CASS4: variants seen among roughly 807,000 people sequenced by gnomAD.
CASS4 encodes Cas scaffold protein family member 4.
In CASS4, 22 loss-of-function variants were observed where a neutral mutation model predicts 54.2. That is an observed-to-expected ratio of 0.41 (90% confidence interval 0.29 to 0.58). The LOEUF (loss-of-function observed/expected upper bound fraction) is 0.58, where lower values mean the gene tolerates loss of function less well. CASS4 is among the 20% of genes least tolerant of loss of function. CASS4 has a pLI of 0.36. For missense variants in CASS4, 854 were observed against 986.7 expected, an observed-to-expected ratio of 0.87 and a Z score of 1.80; for synonymous variants, 409 against 391.5, an observed-to-expected ratio of 1.04 and a Z score of -0.53.
intron 1 of CASS4, among the ~76,000 whole-genome samples, chr20:56,418,527 A>C (rs192411797): frequency 7.0e-4 from 106 of 152,320 alleles, no homozygotes; most frequent in Non-Finnish European, 1.3e-3. Flanking sequence ...TGTGCAACAG[A>C]TGGGCTGTAA....
In CASS4 at chr20:56,437,045, G is replaced by T; in HGVS notation, c.37-119G>T. 4.4e-6 allele frequency: 4 copies of T among 915,908 alleles called. No homozygotes were observed. Among genetic ancestry groups the T allele is most frequent in the Non-Finnish European group, 6.6e-6 (4 of 606,952 alleles). 56.7% of individuals were successfully genotyped at this position (915,908 alleles called of 1,614,324 possible). Reference sequence around the variant, plus strand: ...AGGGACAAGAGCCTCTGGGGTGGAAGAAATGAAATGAAAGGGCATGATGAA... The same window carrying T: ...AGGGACAAGAGCCTCTGGGGTGGAATAAATGAAATGAAAGGGCATGATGAA... On this transcript the variant is annotated intron_variant, in intron 1 of 5. Coordinates refer to ENST00000679887, the MANE Select transcript of CASS4 (RefSeq NM_020356.4). This position sits in a 1 kb window ranked among gnomAD's most constrained non-coding sequence, Gnocchi z 4.7.
chr20:56,427,541 T>A (rs1241433762), intron 1 of CASS4, among the ~76,000 whole-genome samples: 1 of 152,206 alleles, frequency 6.6e-6, no homozygotes, highest in East Asian at 1.9e-4. Context: ...ACTATTTACT[T>A]GAAAGATGAT....
chr20:56,435,102 G>A (rs759688449), intron 1 of CASS4, among the ~76,000 whole-genome samples: 13 of 152,148 alleles, frequency 8.5e-5, no homozygotes, highest in African/African-American at 2.7e-4. Flanking sequence ...TTCTGGGTGC[G>A]TGAAGGATCT....
At chr20:56,434,248 G>T (rs930244185) in intron 1 of CASS4, among the ~76,000 whole-genome samples, 1 of 152,050 alleles carries the variant, frequency 6.6e-6, no homozygotes, top group Admixed American at 6.6e-5. Context: ...ATAAATAAGG[G>T]GAGTTGCAAA....
rs770991801 is a variant in CASS4, at chr20:56,450,667, C to T, written c.630C>T (p.Asp210=). The part of the protein sequence containing the change: ...SPKKAGLHPP[D]SQASGQGVPL... ...AGAAGGCAGGACTCCATCCCCCAGA[C>T]AGCCAAGCAAGTGTAAGTATGAAGA... The change falls in exon 4 of 6, where the codon GAC becomes GAT. Residue 210 remains aspartate, a synonymous_variant. Transcript: ENST00000679887. 6.2e-7 allele frequency: 1 copy of T among 1,614,076 alleles called. No individual in the cohort carries two copies. Among genetic ancestry groups the T allele is most frequent in the East Asian group, 2.2e-5 (1 of 44,870 alleles).
At chr20:56,444,650 G>C (rs1410624443) in intron 2 of CASS4, among the ~76,000 whole-genome samples, 1 of 152,182 alleles carries the variant, frequency 6.6e-6, no homozygotes, top group African/African-American at 2.4e-5. Context: ...GCTGGGTTTG[G>C]AAGCTGCTCT....
chr20:56,412,292 TG>T lies in CASS4; in HGVS notation c.-166del, dbSNP rs1978911857. ...CTCTTATCGTGCTTTCCAGAAAGTTTGCCTGCTGGGAGAGTCTTTTTGATCG... is the reference window on the plus strand; with the variant it reads ...CTCTTATCGTGCTTTCCAGAAAGTTTCCTGCTGGGAGAGTCTTTTTGATCG... On this transcript the variant is annotated 5_prime_UTR_variant, in exon 1 of 6. Coordinates refer to ENST00000679887, the MANE Select transcript of CASS4 (RefSeq NM_020356.4). The surrounding 1 kb of genome is among the most constrained non-coding windows in gnomAD (Gnocchi z 4.2). 1.4e-6 allele frequency: 1 copy of T among 719,710 alleles called. No homozygotes were observed. Among genetic ancestry groups the T allele is most frequent in the Non-Finnish European group, 2.4e-6 (1 of 423,994 alleles). 44.6% of individuals were successfully genotyped at this position (719,710 alleles called of 1,614,324 possible).
rs371161350 is a variant in CASS4, at chr20:56,434,585, C to T, written c.37-2579C>T. 2.9e-3 allele frequency among the ~76,000 whole-genome samples: 446 copies of T among 151,602 alleles called. 3 individuals carry two copies. The highest frequency in any genetic ancestry group is 4.1e-3 in the Non-Finnish European group (278 of 67,972). ...CCAAGTAGCTGGGTCTACAGGTGCA[C>T]GCCACCACTCCCAGCTAATTTTTTT... On this transcript the variant is annotated intron_variant, in intron 1 of 5. Transcript: ENST00000679887.
chr20:56,442,129 C>T (rs147940511), intron 2 of CASS4, among the ~76,000 whole-genome samples: 1 of 151,758 alleles, frequency 6.6e-6, no homozygotes, highest in East Asian at 1.9e-4. Flanking sequence ...AGGCACTTCA[C>T]GGACTCCTTT....
chr20:56,453,472 A>G (rs1981140584), intron 5 of CASS4: 1 of 190,008 alleles, frequency 5.3e-6, no homozygotes, highest in African/African-American at 2.4e-5. Flanking sequence ...GTCTCCTTGC[A>G]TTTTTGAAAG....
intron 1 of CASS4, among the ~76,000 whole-genome samples, chr20:56,423,578 T>C (rs1256320347): frequency 6.6e-6 from 1 of 152,204 alleles, no homozygotes; most frequent in African/African-American, 2.4e-5. Context: ...GGAGTGTTGC[T>C]CTGTTGCCCA....
At chr20:56,415,404 A>G (rs1467456671) in intron 1 of CASS4, among the ~76,000 whole-genome samples, 1 of 152,166 alleles carries the variant, frequency 6.6e-6, no homozygotes, top group East Asian at 1.9e-4. Flanking sequence ...ATCCTCAGTT[A>G]ACTGTTTCTT....
At chr20:56,457,274 T>G (rs1206564965) in intron 5 of CASS4, among the ~76,000 whole-genome samples, 1 of 152,146 alleles carries the variant, frequency 6.6e-6, no homozygotes, top group African/African-American at 2.4e-5. Flanking sequence ...CGTGTGAAAT[T>G]TAATGGAAAG....
chr20:56,419,523 C>G (rs906497216), intron 1 of CASS4, among the ~76,000 whole-genome samples: 1 of 147,790 alleles, frequency 6.8e-6, no homozygotes. Context: ...AGCCTCCTGG[C>G]TTAAGTGATC....
At position 56,441,145 on chromosome 20, in the gene CASS4, C is replaced by T. The variant is rs983263031; in HGVS notation, c.459+3559C>T. On this transcript the variant is annotated intron_variant, in intron 2 of 5. Coordinates refer to ENST00000679887, the MANE Select transcript of CASS4 (RefSeq NM_020356.4). ...CTGGGAACACAGGCTCCCACCACCACGCCTGGCTAAATTTTTTTTGTATTT... is the reference window on the plus strand; with the variant it reads ...CTGGGAACACAGGCTCCCACCACCATGCCTGGCTAAATTTTTTTTGTATTT... 4.0e-5 allele frequency among the ~76,000 whole-genome samples: 6 copies of T among 150,462 alleles called. 1 individual carries two copies. The East Asian group carries it at 7.9e-4, about 20-fold the overall frequency.
chr20:56,451,831 C>T lies in CASS4; in HGVS notation c.655C>T (p.Pro219Ser). 3 of 1,610,684 alleles carry T rather than the reference C, an allele frequency of 1.9e-6. No homozygotes were observed. The highest frequency in any genetic ancestry group is 2.5e-6 in the Non-Finnish European group (3 of 1,177,346). ...GGTTCTCCCACAGGGGCAGGGTGTTCCCCTGATATCAGTGACTACCTTAAG... is the reference window on the plus strand; with the variant it reads ...GGTTCTCCCACAGGGGCAGGGTGTTTCCCTGATATCAGTGACTACCTTAAG... ...PDSQASGQGVPLISVTTLRRG... is the reference protein window; with the variant it reads ...PDSQASGQGVSLISVTTLRRG... The change falls in exon 5 of 6, where the codon CCC becomes TCC. Residue 219 changes from proline to serine, a missense_variant. Coordinates refer to ENST00000679887, the MANE Select transcript of CASS4 (RefSeq NM_020356.4).
In CASS4 at chr20:56,437,857, A is replaced by G. The variant is rs1395072675; in HGVS notation, c.459+271A>G. Among the ~76,000 whole-genome samples the G allele has an allele frequency of 6.6e-6, 1 of 152,082 alleles. No homozygotes were observed. The highest frequency in any genetic ancestry group is 6.6e-5 in the Admixed American group (1 of 15,264). The stretch of plus-strand genomic sequence containing the variant: ...CTGTGGGAAATGGAATGCTTAGCTG[A>G]GCTGTGTGGGAAGGCACTGAGGATG... On this transcript the variant is annotated intron_variant, in intron 2 of 5. Coordinates refer to ENST00000679887, the MANE Select transcript of CASS4 (RefSeq NM_020356.4). The surrounding 1 kb of genome is among the most constrained non-coding windows in gnomAD (Gnocchi z 4.7).
rs1284562887 is a variant in CASS4 at position 56,414,471 on chromosome 20, G to A, written c.36+1977G>A. ...AAAAAAAATATTTTTAGCAATGGGGGTATCACTCTGTTGTCCAAGCTGGAC... is the reference window on the plus strand; with the variant it reads ...AAAAAAAATATTTTTAGCAATGGGGATATCACTCTGTTGTCCAAGCTGGAC... On this transcript the variant is annotated intron_variant, in intron 1 of 5. Transcript: ENST00000679887. This position sits in a 1 kb window ranked among gnomAD's most constrained non-coding sequence, Gnocchi z 4.1. Among the ~76,000 whole-genome samples the A allele has an allele frequency of 2.6e-5, 4 of 151,916 alleles. No homozygotes were observed. The highest frequency in any genetic ancestry group is 2.1e-4 in the South Asian group (1 of 4,806).
At chr20:56,439,399 G>C (rs1980352088) in intron 2 of CASS4, among the ~76,000 whole-genome samples, 1 of 151,882 alleles carries the variant, frequency 6.6e-6, no homozygotes, top group African/African-American at 2.4e-5. Flanking sequence ...GGCTAGGCTT[G>C]GTGGCTCATT....
Sources: gnomAD v4.1 joint callset for allele counts (sites outside exome capture counted in the v4.1 genomes callset) on GRCh38, gnomAD v4.1.1 for gene constraint, Gnocchi (gnomAD v3.1) non-coding constraint, MANE v1.5 for transcripts, NCBI Gene and HGNC (gene_info 2026-07-23, HGNC 2026-07-21) for gene names.